The following ZNF559 variants were observed in gnomAD, a reference collection of about 807,000 sequenced individuals.
ZNF559 encodes the protein putative protein product of Nbla00121.
Under a neutral mutation model 14.2 loss-of-function variants are expected in ZNF559, and 17 were observed. That is an observed-to-expected ratio of 1.20 (90% CI 0.82 to 1.80). The LOEUF is 1.80. Ranked by LOEUF, ZNF559 falls within the 40% of genes most tolerant of loss-of-function variation. The probability of loss-of-function intolerance (pLI) is 0.00; values close to 1 mark genes in which losing one functional copy is unlikely to be tolerated. For missense variants in ZNF559, 740 were observed against 629.7 expected (o/e 1.18, Z -1.88); for synonymous variants, 244 against 212.4 (o/e 1.15, Z -1.29).
Position 9,341,848 on chromosome 19 carries a change from ATCT to A in ZNF559, c.399_401del (p.Phe134del). ...TGAAAAAGCCTTCAGAAAACCCTCTATCTTTACTTTACACAAGAAAACTGATAT... is the reference window on the plus strand; with the variant it reads ...TGAAAAAGCCTTCAGAAAACCCTCTATTACTTTACACAAGAAAACTGATAT... On this transcript the variant is annotated inframe_deletion, in exon 7 of 7. Transcript: ENST00000603380. The A allele has an allele frequency of 6.2e-7, 1 of 1,610,524 alleles. No homozygotes were observed. Among genetic ancestry groups the A allele is most frequent in the East Asian group, 2.2e-5 (1 of 44,854 alleles).
Position 9,344,900 on chromosome 19 carries a change from A to T in ZNF559, c.*1832A>T, listed in dbSNP as rs569792990. 1 of 152,322 alleles carries T rather than the reference A, an allele frequency of 6.6e-6. No homozygotes were observed. The highest frequency in any genetic ancestry group is 1.9e-4 in the East Asian group (1 of 5,190). The allele number at this position is 152,322 out of a possible 1,614,324, so 9.4% of individuals were successfully genotyped here. The stretch of plus-strand genomic sequence containing the variant: ...TAAACTGCACATGTTTTTAGCATAC[A>T]CTTTAAGTTTGGACACATACACATA... On this transcript the variant is annotated 3_prime_UTR_variant, in exon 7 of 7. Transcript: ENST00000603380.
At chr19:9,340,684 A>G (rs550939973) in intron 5 of ZNF559, among the ~76,000 whole-genome samples, 1 of 149,038 alleles carries the variant, frequency 6.7e-6, no homozygotes, top group Admixed American at 6.7e-5. Context: ...CCCCTGCCTC[A>G]GCCTCCTGAG....
intron 2 of ZNF559, among the ~76,000 whole-genome samples, chr19:9,332,332 G>A (rs2066979535): frequency 1.4e-5 from 2 of 142,204 alleles, no homozygotes; most frequent in South Asian, 4.6e-4. Context: ...CATATATAGA[G>A]GTATACATAT....
Position 9,341,767 on chromosome 19 carries a change from C to G in ZNF559, c.316C>G (p.Leu106Val). 1 of 1,605,172 alleles carries G rather than the reference C, an allele frequency of 6.2e-7. No homozygotes were observed. The highest frequency in any genetic ancestry group is 8.5e-7 in the Non-Finnish European group (1 of 1,177,606). ...CEKALSEHSC[L>V]KTHRRTYFRK... Reference sequence around the variant, plus strand: ...AAAAGCCTTGAGTGAACACTCATGCCTTAAGACTCACAGGAGAACTTACTT... The same window carrying G: ...AAAAGCCTTGAGTGAACACTCATGCGTTAAGACTCACAGGAGAACTTACTT... The change falls in exon 7 of 7, where the codon CTT becomes GTT. Residue 106 changes from leucine (L) to valine (V), a missense_variant. Coordinates refer to ENST00000603380, the MANE Select transcript of ZNF559 (RefSeq NM_032497.3).
intron 2 of ZNF559, chr19:9,330,258 C>G (rs1333809913): frequency 6.6e-6 from 1 of 152,194 alleles, no homozygotes; most frequent in Non-Finnish European, 1.5e-5. Flanking sequence ...AATTCTCTGT[C>G]TTTGACTTTT....
Position 9,342,590 on chromosome 19 carries a change from C to T in ZNF559, c.1139C>T (p.Pro380Leu), listed in dbSNP as rs1391348123. 1.2e-6 allele frequency: 2 copies of T among 1,613,902 alleles called. No individual in the cohort carries two copies. Among genetic ancestry groups the T allele is most frequent in the African/African-American group, 2.7e-5 (2 of 74,876 alleles). ...ATGAGAACTCACACTGGTGAGAAGCCTTATCAATGTAAGGAATGTGGAAAA... is the reference window on the plus strand; with the variant it reads ...ATGAGAACTCACACTGGTGAGAAGCTTTATCAATGTAAGGAATGTGGAAAA... ...VHMRTHTGEKPYQCKECGKAF... is the reference protein window; with the variant it reads ...VHMRTHTGEKLYQCKECGKAF... The change falls in exon 7 of 7, where the codon CCT becomes CTT. Residue 380 changes from proline to leucine, a missense_variant. Transcript: ENST00000603380.
intron 6 of ZNF559, chr19:9,341,477 C>G (rs749615665): frequency 1.3e-5 from 12 of 906,454 alleles, no homozygotes; most frequent in Non-Finnish European, 1.9e-5. Flanking sequence ...TAGAAGCCCT[C>G]TGAAAGTAAA....
upstream of ZNF559, chr19:9,324,078 G>A (rs2066428264): frequency 9.4e-6 from 13 of 1,381,430 alleles, no homozygotes; most frequent in Middle Eastern, 1.8e-4. Flanking sequence ...CTCAGCTCTG[G>A]GTTGGAAAAA....
At chr19:9,337,993 C>T (rs1180836721) in intron 3 of ZNF559, 135 bp downstream of exon 3, 5 of 1,536,092 alleles carry the variant, frequency 3.3e-6, no homozygotes, top group Non-Finnish European at 4.4e-6. Context: ...TCACAGGATG[C>T]TGGCCATTGG....
chr19:9,324,619 C>A (rs1599268703), intron 1 of ZNF559, 76 bp from the exon 2 acceptor site: 2 of 284,812 alleles, frequency 7.0e-6, no homozygotes, highest in Admixed American at 1.2e-4. Context: ...CATAGGGAGA[C>A]CCCCCCCCCC....
At chr19:9,327,164 G>T (rs988363111) in intron 2 of ZNF559, among the ~76,000 whole-genome samples, 12 of 152,144 alleles carry the variant, frequency 7.9e-5, no homozygotes, top group Admixed American at 7.2e-4. Context: ...ATCTATAAGT[G>T]ATACTTTGGC....
chr19:9,337,760 T>G lies in ZNF559; in HGVS notation c.-119-36T>G, dbSNP rs553538218. 6.5e-6 allele frequency: 9 copies of G among 1,388,560 alleles called. No individual in the cohort carries two copies. In the East Asian group the frequency reaches 1.8e-4, roughly 28 times the overall value. The allele number at this position is 1,388,560 out of a possible 1,614,324, so 86.0% of individuals were successfully genotyped here. Reference sequence around the variant, plus strand: ...TTTATGTCCACGTGGCATAATACTCTAGTGGCACTCACATGAACAACTTCA... The same window carrying G: ...TTTATGTCCACGTGGCATAATACTCGAGTGGCACTCACATGAACAACTTCA... On this transcript the variant is annotated intron_variant, in intron 2 of 6. Coordinates refer to ENST00000603380, the MANE Select transcript of ZNF559 (RefSeq NM_032497.3).
chr19:9,338,391 CGT>C, intron 3 of ZNF559, 101 bp from the exon 4 acceptor site: 2 of 790,788 alleles, frequency 2.5e-6, no homozygotes, highest in Non-Finnish European at 2.0e-6. Context: ...TTTATTATAA[CGT>C]GTGTGTGTCC....
At chr19:9,329,089 G>A (rs2066798451) in intron 2 of ZNF559, among the ~76,000 whole-genome samples, 1 of 152,068 alleles carries the variant, frequency 6.6e-6, no homozygotes, top group African/African-American at 2.4e-5. Context: ...TTTGGGCTGG[G>A]GGTTTGAAGT....
intron 2 of ZNF559, among the ~76,000 whole-genome samples, chr19:9,325,948 C>T (rs1024331385): frequency 1.4e-4 from 21 of 152,150 alleles, no homozygotes; most frequent in African/African-American, 4.8e-4. Context: ...AAAGTGAAGA[C>T]AAGCTTAAAA....
chr19:9,324,269 T>G (rs376847815), intron 1 of ZNF559, 41 bp downstream of exon 1: 11 of 1,536,050 alleles, frequency 7.2e-6, no homozygotes, highest in South Asian at 5.9e-5. Context: ...GGTGTCCCGG[T>G]GCAGCCACGC....
intron 2 of ZNF559, among the ~76,000 whole-genome samples, chr19:9,334,885 A>G (rs535773787): frequency 1.3e-5 from 2 of 152,246 alleles, no homozygotes; most frequent in South Asian, 2.1e-4. Flanking sequence ...CTGTAATCCT[A>G]GCACTTTGGG....
In ZNF559 at chr19:9,341,768, T is replaced by A. The variant is rs2067598741; in HGVS notation, c.317T>A (p.Leu106His). ...CEKALSEHSC[L>H]KTHRRTYFRK... ...AAAGCCTTGAGTGAACACTCATGCCTTAAGACTCACAGGAGAACTTACTTT... is the reference window on the plus strand; with the variant it reads ...AAAGCCTTGAGTGAACACTCATGCCATAAGACTCACAGGAGAACTTACTTT... The change falls in exon 7 of 7, where the codon CTT (leucine) becomes CAT (histidine). Residue 106 changes from leucine (L) to histidine (H), a missense_variant. By Grantham distance (99) the Leu-to-His change is moderately conservative (BLOSUM62 -3). Transcript: ENST00000603380. 1 of 1,605,378 alleles carries A rather than the reference T, an allele frequency of 6.2e-7. No individual in the cohort carries two copies. Among genetic ancestry groups the A allele is most frequent in the Non-Finnish European group, 8.5e-7 (1 of 1,177,656 alleles).
intron 2 of ZNF559, among the ~76,000 whole-genome samples, chr19:9,330,393 A>G (rs1412001247): frequency 6.6e-6 from 1 of 152,128 alleles, no homozygotes; most frequent in East Asian, 1.9e-4. Flanking sequence ...GCTATTCTTT[A>G]TATAGGCTTT....
Sources: gnomAD v4.1 joint callset for allele counts (sites outside exome capture counted in the v4.1 genomes callset) on GRCh38, gnomAD v4.1.1 for gene constraint, MANE v1.5 for transcripts, NCBI Gene and HGNC (gene_info 2026-07-23, HGNC 2026-07-21) for gene names.